Variants in OR2H1 observed in about 807,000 individuals in gnomAD.
OR2H1 encodes the protein olfactory receptor 2H1.
For synonymous variants in OR2H1, 155 were observed against 155.2 expected (o/e 1.00, Z 0.01); for missense variants, 380 against 367.3 (o/e 1.03, Z -0.28).
Position 29,462,789 on chromosome 6 carries a change from C to T in OR2H1, c.*69C>T. The T allele has an allele frequency of 8.7e-7, 1 of 1,153,430 alleles. No homozygotes were observed. Among genetic ancestry groups the T allele is most frequent in the East Asian group, 2.5e-5 (1 of 39,766 alleles). The allele number at this position is 1,153,430 out of a possible 1,614,324, so 71.4% of individuals were successfully genotyped here. On this transcript the variant is annotated 3_prime_UTR_variant, in exon 4 of 4. Coordinates refer to ENST00000377133, the MANE Select transcript of OR2H1 (RefSeq NM_030883.5). ...ATGTTAAGTTTTCCAGACTACTACC[C>T]TTCCCACATACACCTGAGCCACTGT...
chr6:29,461,827 G>T lies in OR2H1; in HGVS notation c.58G>T (p.Ala20Ser). The T allele has an allele frequency of 1.2e-6, 2 of 1,613,068 alleles. No homozygotes were observed. ...CCTTCTGGGCTTCTCTGAACACCCA[G>T]CACTGGAAAGGACTCTCTTTGTGGT... Reference protein sequence around the residue: ...FLLLGFSEHPALERTLFVVVF... With the variant: ...FLLLGFSEHPSLERTLFVVVF... Residue 20 changes from alanine to serine, a missense_variant, in exon 4 of 4, where the codon GCA becomes TCA. Coordinates refer to ENST00000377133, the MANE Select transcript of OR2H1 (RefSeq NM_030883.5).
chr6:29,463,892 CTAA>C lies in OR2H1; in HGVS notation c.*1174_*1176del, dbSNP rs1787620384. On this transcript the variant is annotated 3_prime_UTR_variant, in exon 4 of 4. Transcript: ENST00000377133. ...CTCTGGAGTCTCTTTTATGAGGGCA[CTAA>C]TTCCAATTATGAAGCCTCTTCCCTC... The C allele has an allele frequency of 6.0e-6, 1 of 166,504 alleles. No individual in the cohort carries two copies. Among genetic ancestry groups the C allele is most frequent in the African/African-American group, 2.4e-5 (1 of 41,440 alleles). 10.3% of individuals were successfully genotyped at this position (166,504 alleles called of 1,614,324 possible).
intron 1 of OR2H1, among the ~76,000 whole-genome samples, chr6:29,457,530 C>A (rs987016780): frequency 1.3e-5 from 2 of 152,048 alleles, no homozygotes; most frequent in Non-Finnish European, 2.9e-5. Context: ...TTGCCTAGAG[C>A]ATGGGGAGAA....
At position 29,462,865 on chromosome 6, in the gene OR2H1, G is replaced by C; in HGVS notation, c.*145G>C. 1 of 638,706 alleles carries C rather than the reference G, an allele frequency of 1.6e-6. No individual in the cohort carries two copies. The highest frequency in any genetic ancestry group is 2.7e-5 in the East Asian group (1 of 36,562). The allele number at this position is 638,706 out of a possible 1,614,324, so 39.6% of individuals were successfully genotyped here. A position where few individuals can be genotyped will look rare whatever the true frequency, so the allele number is the denominator to read the frequency against. ...TCTATGAGAGGGAGAATGAGAAAGA[G>C]AGGGACAGAGAGATAAAAGAAATTG... On this transcript the variant is annotated 3_prime_UTR_variant, in exon 4 of 4. Coordinates refer to ENST00000377133, the MANE Select transcript of OR2H1 (RefSeq NM_030883.5).
chr6:29,457,387 A>C (rs768135451), intron 1 of OR2H1, among the ~76,000 whole-genome samples, 180 bp downstream of exon 1: 6 of 152,238 alleles, frequency 3.9e-5, no homozygotes, highest in Non-Finnish European at 8.8e-5. Flanking sequence ...ATTGATACAC[A>C]AAACAACAGG....
intron 2 of OR2H1, among the ~76,000 whole-genome samples, chr6:29,459,378 T>C (rs922997938): frequency 1.3e-5 from 2 of 152,180 alleles, no homozygotes; most frequent in East Asian, 3.8e-4. Context: ...AGGTACACCA[T>C]GTGTTTATTA....
chr6:29,461,758 C>T lies in OR2H1; in HGVS notation c.-12C>T, dbSNP rs1252404525. 3 of 1,604,188 alleles carry T rather than the reference C, an allele frequency of 1.9e-6. No homozygotes were observed. The highest frequency in any genetic ancestry group is 4.5e-5 in the East Asian group (2 of 44,856). The stretch of plus-strand genomic sequence containing the variant: ...ACAGCCTCATCCCTCCAGGTACAAA[C>T]AAGAACAGGCCATGGTTAACCAAAG... On this transcript the variant is annotated 5_prime_UTR_variant, in exon 4 of 4. Coordinates refer to ENST00000377133, the MANE Select transcript of OR2H1 (RefSeq NM_030883.5).
chr6:29,464,137 G>A lies in OR2H1; in HGVS notation c.*1417G>A, dbSNP rs1235858785. On this transcript the variant is annotated 3_prime_UTR_variant, in exon 4 of 4. Coordinates refer to ENST00000377133, the MANE Select transcript of OR2H1 (RefSeq NM_030883.5). ...TTCACTGCCTCAAGTTACAGCCAGA[G>A]GAAAGGAGGAACTAAAACTTAGCAA... 2 of 166,962 alleles carry A rather than the reference G, an allele frequency of 1.2e-5. No individual in the cohort carries two copies. Among genetic ancestry groups the A allele is most frequent in the African/African-American group, 4.8e-5 (2 of 41,416 alleles). The allele number at this position is 166,962 out of a possible 1,614,324, so 10.3% of individuals were successfully genotyped here. A position where few individuals can be genotyped will look rare whatever the true frequency, so the allele number is the denominator to read the frequency against.
At chr6:29,458,041 A>G (rs556137398) in intron 1 of OR2H1, among the ~76,000 whole-genome samples, 2 of 152,270 alleles carry the variant, frequency 1.3e-5, no homozygotes, top group South Asian at 4.1e-4. Flanking sequence ...TCATCTCACT[A>G]TGCCTTTTTT....
rs1787610615 is a variant in OR2H1 at position 29,463,818 on chromosome 6, G to A, written c.*1098G>A. ...ATTGAGGGCCTGCTTTCTGATTATAGAAGGTGACTTCTTGCTGTGCCCACA... is the reference window on the plus strand; with the variant it reads ...ATTGAGGGCCTGCTTTCTGATTATAAAAGGTGACTTCTTGCTGTGCCCACA... On this transcript the variant is annotated 3_prime_UTR_variant, in exon 4 of 4. Transcript: ENST00000377133. 6.0e-6 allele frequency: 1 copy of A among 167,044 alleles called. No homozygotes were observed. 10.3% of individuals were successfully genotyped at this position (167,044 alleles called of 1,614,324 possible). A position where few individuals can be genotyped will look rare whatever the true frequency, so the allele number is the denominator to read the frequency against.
At position 29,463,691 on chromosome 6, in the gene OR2H1, A is replaced by G. The variant is rs963834828; in HGVS notation, c.*971A>G. Reference sequence around the variant, plus strand: ...GTTAGCTTAGTTCATTCAAGCTACTATCACAAGCTACACATAAATTGGGTG... The same window carrying G: ...GTTAGCTTAGTTCATTCAAGCTACTGTCACAAGCTACACATAAATTGGGTG... On this transcript the variant is annotated 3_prime_UTR_variant, in exon 4 of 4. Transcript: ENST00000377133. 2 of 167,114 alleles carry G rather than the reference A, an allele frequency of 1.2e-5. No homozygotes were observed. Among genetic ancestry groups the G allele is most frequent in the East Asian group, 1.9e-4 (1 of 5,200 alleles). 10.4% of individuals were successfully genotyped at this position (167,114 alleles called of 1,614,324 possible).
In OR2H1 at chr6:29,462,671, G is replaced by T; in HGVS notation, c.902G>T (p.Arg301Met). 6.2e-7 allele frequency: 1 copy of T among 1,613,028 alleles called. No individual in the cohort carries two copies. The highest frequency in any genetic ancestry group is 8.5e-7 in the Non-Finnish European group (1 of 1,180,006). ...RNKEIKRALR[R>M]LLGKERDSRE... is the part of the protein sequence containing the mutation. ...AAGGAGATAAAGCGAGCACTCAGGA[G>T]GTTACTAGGGAAGGAAAGAGACTCC... is the stretch of plus-strand genomic sequence containing the variant. Residue 301 changes from arginine to methionine, a missense_variant, in exon 4 of 4, where the codon AGG becomes ATG. Transcript: ENST00000377133.
At chr6:29,459,562 C>G (rs1317158732) in intron 2 of OR2H1, among the ~76,000 whole-genome samples, 1 of 151,300 alleles carries the variant, frequency 6.6e-6, no homozygotes, top group Non-Finnish European at 1.5e-5. Flanking sequence ...GCTTTTAACA[C>G]CAGACAGGGT....
Position 29,462,003 on chromosome 6 carries a change from G to C in OR2H1, c.234G>C (p.Gln78His), listed in dbSNP as rs778260649. ...DLCFTTSCVP[Q>H]MLVNLWGPKK... ...GCTTTACCACAAGTTGTGTCCCCCA[G>C]ATGCTGGTCAACCTCTGGGGCCCAA... The change falls in exon 4 of 4, where the codon CAG becomes CAC. Residue 78 changes from glutamine to histidine, a missense_variant. By Grantham distance (24) the Gln-to-His change is conservative. Transcript: ENST00000377133. 3.1e-6 allele frequency: 5 copies of C among 1,613,284 alleles called. No individual in the cohort carries two copies. The Admixed American group carries it at 5.0e-5, about 16-fold the overall frequency.
At position 29,463,343 on chromosome 6, in the gene OR2H1, T is replaced by C. The variant is rs1787554110; in HGVS notation, c.*623T>C. ...ATGGGGTTTTCTGCCCCACACCCTT[T>C]AGGATATAGCTGAAGAATATAATGA... is the stretch of plus-strand genomic sequence containing the variant. On this transcript the variant is annotated 3_prime_UTR_variant, in exon 4 of 4. Coordinates refer to ENST00000377133, the MANE Select transcript of OR2H1 (RefSeq NM_030883.5). 5.9e-6 allele frequency: 1 copy of C among 169,092 alleles called. No homozygotes were observed. 10.5% of individuals were successfully genotyped at this position (169,092 alleles called of 1,614,324 possible).
chr6:29,463,090 A>C lies in OR2H1; in HGVS notation c.*370A>C. On this transcript the variant is annotated 3_prime_UTR_variant, in exon 4 of 4. Coordinates refer to ENST00000377133, the MANE Select transcript of OR2H1 (RefSeq NM_030883.5). ...CATGTCAGTGTAGGGGAACTACTCC[A>C]TCATAGCATTCTGGACACCTTGCAT... The C allele has an allele frequency of 3.8e-6, 1 of 263,980 alleles. No individual in the cohort carries two copies. The highest frequency in any genetic ancestry group is 7.6e-6 in the Non-Finnish European group (1 of 131,450). The allele number at this position is 263,980 out of a possible 1,614,324, so 16.4% of individuals were successfully genotyped here. A position where few individuals can be genotyped will look rare whatever the true frequency, so the allele number is the denominator to read the frequency against.
In OR2H1 at chr6:29,461,885, G is replaced by A. The variant is rs1250573086; in HGVS notation, c.116G>A (p.Gly39Asp). 2.5e-6 allele frequency: 4 copies of A among 1,612,842 alleles called. No individual in the cohort carries two copies. The highest frequency in any genetic ancestry group is 3.3e-5 in the Admixed American group (2 of 59,992). The part of the protein sequence containing the change: ...VFTSYLLTLV[G>D]NTLIILLSVL... ...ACTTCCTACCTCTTGACCCTGGTGG[G>A]CAACACACTCATCATCCTGCTGTCT... The change falls in exon 4 of 4, where the codon GGC becomes GAC. Residue 39 changes from glycine (G) to aspartate (D), a missense_variant. Transcript: ENST00000377133.
At position 29,461,556 on chromosome 6, in the gene OR2H1, T is replaced by A. The variant is rs1787247723; in HGVS notation, c.-214T>A. On this transcript the variant is annotated 5_prime_UTR_variant, in exon 4 of 4. Coordinates refer to ENST00000377133, the MANE Select transcript of OR2H1 (RefSeq NM_030883.5). ...TCCAGCACATTCTTGGTTTCCTCAC[T>A]TCTGCTAGACAACGTTTGATCAGAA... The A allele has an allele frequency of 3.9e-6, 2 of 510,480 alleles. No individual in the cohort carries two copies. Among genetic ancestry groups the A allele is most frequent in the South Asian group, 4.0e-5 (1 of 24,938 alleles). The allele number at this position is 510,480 out of a possible 1,614,324, so 31.6% of individuals were successfully genotyped here.
At position 29,463,786 on chromosome 6, in the gene OR2H1, C is replaced by T. The variant is rs549552852; in HGVS notation, c.*1066C>T. The T allele has an allele frequency of 6.0e-6, 1 of 167,232 alleles. No homozygotes were observed. Among genetic ancestry groups the T allele is most frequent in the Admixed American group, 6.5e-5 (1 of 15,312 alleles). 10.4% of individuals were successfully genotyped at this position (167,232 alleles called of 1,614,324 possible). A position where few individuals can be genotyped will look rare whatever the true frequency, so the allele number is the denominator to read the frequency against. On this transcript the variant is annotated 3_prime_UTR_variant, in exon 4 of 4. Coordinates refer to ENST00000377133, the MANE Select transcript of OR2H1 (RefSeq NM_030883.5). ...GAAACTCCAAGATTAAGGCAGATTT[C>T]ATGCCTATTGAGGGCCTGCTTTCTG...
Sources: gnomAD v4.1 joint callset for allele counts (sites outside exome capture counted in the v4.1 genomes callset) on GRCh38, gnomAD v4.1.1 for gene constraint, MANE v1.5 for transcripts, NCBI Gene and HGNC (gene_info 2026-07-23, HGNC 2026-07-21) for gene names.